The following RERE variants were observed in gnomAD, a reference collection of about 807,000 sequenced individuals.
RERE encodes the protein arginine-glutamic acid dipeptide repeats.
RERE carries 40 observed loss-of-function variants against 146.1 expected under a neutral mutation model. The ratio of observed to expected loss-of-function variants is 0.27; its 90% confidence interval spans 0.21 to 0.36. RERE has a LOEUF of 0.36. Among genes scored for constraint, RERE ranks in the 10% least tolerant of loss-of-function variants. RERE has a pLI of 1.00. For missense variants in RERE, 1,933 were observed against 2,138.7 expected, an observed-to-expected ratio of 0.90 and a Z score of 1.90; for synonymous variants, 1,003 against 866.0, an observed-to-expected ratio of 1.16 and a Z score of -2.78.
At chr1:8,410,852 C>CA (rs979635596) in intron 12 of RERE, among the ~76,000 whole-genome samples, 2 of 152,178 alleles carry the variant, frequency 1.3e-5, no homozygotes, top group African/African-American at 4.8e-5. Context: ...GCCAGTAAGA[C>CA]ACCCCCAGGG....
chr1:8,612,938 T>TC (rs1646809958), intron 4 of RERE, among the ~76,000 whole-genome samples: 1 of 152,250 alleles, frequency 6.6e-6, no homozygotes, highest in African/African-American at 2.4e-5. Context: ...TTCCAAGGTT[T>TC]CCATAATGTG....
rs180733370 is a variant in RERE at position 8,701,674 on chromosome 1, C to G, written c.-144-45233G>C. Among the ~76,000 whole-genome samples, 15 of 152,158 alleles carry G rather than the reference C, an allele frequency of 9.9e-5. 1 individual carries two copies. Among genetic ancestry groups the G allele is most frequent in the Non-Finnish European group, 8.8e-5 (6 of 68,038 alleles). ...AAATAACATTTCAAGTGCAGCCTGCCAAGCGCCAGCGCCTGCCGGAGTACA... is the reference window on the plus strand; with the variant it reads ...AAATAACATTTCAAGTGCAGCCTGCGAAGCGCCAGCGCCTGCCGGAGTACA... On this transcript the variant is annotated intron_variant, in intron 1 of 22. Transcript: ENST00000400908.
intron 6 of RERE, among the ~76,000 whole-genome samples, chr1:8,554,388 G>C (rs1645978757): frequency 6.6e-6 from 1 of 152,042 alleles, no homozygotes; most frequent in South Asian, 2.1e-4. Flanking sequence ...ACCAGTGTAA[G>C]AAGTATTCCA....
At position 8,584,497 on chromosome 1, in the gene RERE, T is replaced by C. The variant is rs1646403836; in HGVS notation, c.523-26974A>G. Among the ~76,000 whole-genome samples, 5 of 152,294 alleles carry C rather than the reference T, an allele frequency of 3.3e-5. No individual in the cohort carries two copies. The South Asian group carries it at 6.2e-4, about 19-fold the overall frequency. ...AGGAATTTGAGGTTACAGTGAGCTA[T>C]GATCCTGCCACGGTATTCCAGCCTG... On this transcript the variant is annotated intron_variant, in intron 4 of 22. Transcript: ENST00000400908.
chr1:8,772,229 T>C (rs1167998655), intron 1 of RERE, among the ~76,000 whole-genome samples: 1 of 152,076 alleles, frequency 6.6e-6, no homozygotes, highest in Non-Finnish European at 1.5e-5. Context: ...AACATATGCT[T>C]ATTTTTTTTA....
At chr1:8,540,749 TA>T (rs1645790480) in intron 7 of RERE, among the ~76,000 whole-genome samples, 1 of 152,196 alleles carries the variant, frequency 6.6e-6, no homozygotes, top group Non-Finnish European at 1.5e-5. Flanking sequence ...GTAGTCTTAC[TA>T]AAGATATTTC....
chr1:8,513,951 A>G (rs1233872369), intron 7 of RERE, among the ~76,000 whole-genome samples: 1 of 152,202 alleles, frequency 6.6e-6, no homozygotes, highest in Non-Finnish European at 1.5e-5. Flanking sequence ...TGATTTTGTA[A>G]TGTCATGCAT....
Position 8,552,743 on chromosome 1 carries a change from G to C in RERE, c.725+3732C>G, listed in dbSNP as rs147333944. 2.8e-4 allele frequency among the ~76,000 whole-genome samples: 43 copies of C among 152,310 alleles called. No individual in the cohort carries two copies. The South Asian group carries it at 8.5e-3, about 30-fold the overall frequency. On this transcript the variant is annotated intron_variant, in intron 6 of 22. Transcript: ENST00000400908. ...CCCATTCTGTTTTATGGGAGTAATG[G>C]GACAGGCAAAGCTTCTTTCACAGTG...
chr1:8,424,275 C>T (rs1010257836), intron 11 of RERE: 11 of 152,276 alleles, frequency 7.2e-5, no homozygotes, highest in African/African-American at 2.7e-4. Flanking sequence ...AACTAAATCA[C>T]CGCGGAAGCT....
chr1:8,389,802 T>C (rs1642821298), intron 12 of RERE, among the ~76,000 whole-genome samples: 1 of 152,220 alleles, frequency 6.6e-6, no homozygotes, highest in African/African-American at 2.4e-5. Flanking sequence ...TTGTTTTGTA[T>C]ACATTAATAG....
At chr1:8,389,240 ACAAGTAGCCT>A (rs1209320143) in intron 12 of RERE, among the ~76,000 whole-genome samples, 1 of 152,222 alleles carries the variant, frequency 6.6e-6, no homozygotes, top group African/African-American at 2.4e-5. Context: ...AATCTACAGC[ACAAGTAGCCT>A]CAGGGGTATG....
intron 2 of RERE, among the ~76,000 whole-genome samples, chr1:8,627,691 A>G (rs1473890581): frequency 6.6e-6 from 1 of 152,150 alleles, no homozygotes; most frequent in Non-Finnish European, 1.5e-5. Flanking sequence ...CTTTATTTAT[A>G]TATACTTTAA....
intron 1 of RERE, among the ~76,000 whole-genome samples, chr1:8,715,912 G>A (rs1423834995): frequency 6.6e-6 from 1 of 151,884 alleles, no homozygotes. Context: ...GGGGCGGGAC[G>A]GGCGGGGAAG....
intron 4 of RERE, among the ~76,000 whole-genome samples, chr1:8,602,277 G>C (rs1360251151): frequency 2.6e-5 from 4 of 151,874 alleles, no homozygotes; most frequent in African/African-American, 9.7e-5. Context: ...TGTAGTCCCA[G>C]CTACTCGGGA....
chr1:8,527,761 C>T (rs754111982), intron 7 of RERE, among the ~76,000 whole-genome samples: 8 of 152,134 alleles, frequency 5.3e-5, no homozygotes, highest in Non-Finnish European at 8.8e-5. Context: ...CATGCCATGC[C>T]ACCAAGACAG....
At chr1:8,753,656 A>C (rs1640581886) in intron 1 of RERE, 3 of 152,188 alleles carry the variant, frequency 2.0e-5, no homozygotes, top group Admixed American at 2.0e-4. Context: ...TAAATCCTTA[A>C]TTATTAAATT....
rs540973124 is a variant in RERE, at chr1:8,755,130, G to C, written c.-145+62030C>G. 2.6e-5 allele frequency among the ~76,000 whole-genome samples: 4 copies of C among 152,350 alleles called. No individual in the cohort carries two copies. In the South Asian group the frequency reaches 6.2e-4, roughly 24 times the overall value. On this transcript the variant is annotated intron_variant, in intron 1 of 22. Transcript: ENST00000400908. ...AAAGCTTAAATACCATGGCAAGAGG[G>C]AAACAGCAGCTAGCAGTGGTAACAG...
At chr1:8,763,898 G>T (rs753449044) in intron 1 of RERE, among the ~76,000 whole-genome samples, 1 of 146,776 alleles carries the variant, frequency 6.8e-6, no homozygotes, top group Admixed American at 6.8e-5. Flanking sequence ...CCGAGATCAC[G>T]CCACTGCACT....
intron 1 of RERE, among the ~76,000 whole-genome samples, chr1:8,816,597 G>A (rs11799316): frequency 0.023 from 3,495 of 152,144 alleles, 127 homozygotes; most frequent in African/African-American, 0.079. Flanking sequence ...TTAAAAATTA[G>A]TAATAAATAG....
Sources: allele counts gnomAD v4.1 joint callset (sites outside exome capture counted in the v4.1 genomes callset), GRCh38; gene constraint gnomAD v4.1.1; transcripts MANE v1.5; gene names NCBI Gene and HGNC (gene_info 2026-07-23, HGNC 2026-07-21).